Variants in ROCK1 observed in about 807,000 individuals in gnomAD.
ROCK1 encodes Rho associated coiled-coil containing protein kinase 1.
In ROCK1, 36 loss-of-function variants were observed where a neutral mutation model predicts 196.8. The observed-to-expected ratio is 0.18, with a 90% CI of 0.14 to 0.24. The LOEUF (loss-of-function observed/expected upper bound fraction) is 0.24, where lower values mean the gene tolerates loss of function less well. Among genes scored for constraint, ROCK1 ranks in the 10% least tolerant of loss-of-function variants. The pLI is 1.00. For synonymous variants in ROCK1, 443 were observed against 515.9 expected, an observed-to-expected ratio of 0.86 and a Z score of 1.91; for missense variants, 920 against 1,562.0, an observed-to-expected ratio of 0.59 and a Z score of 6.93.
chr18:20,960,626 A>G (rs553167475), intron 27 of ROCK1: 1 of 157,536 alleles, frequency 6.3e-6, no homozygotes, highest in South Asian at 1.9e-4. Flanking sequence ...TACACAAGAA[A>G]GAGCAAGCAA....
chr18:21,011,828 G>A (rs531902492), intron 13 of ROCK1, among the ~76,000 whole-genome samples: 1 of 152,158 alleles, frequency 6.6e-6, no homozygotes, highest in South Asian at 2.1e-4. Flanking sequence ...CTCATACACA[G>A]AGAATCATAT....
At chr18:21,012,492 G>A (rs2035827516) in intron 13 of ROCK1, among the ~76,000 whole-genome samples, 1 of 152,098 alleles carries the variant, frequency 6.6e-6, no homozygotes, top group South Asian at 2.1e-4. Context: ...CATGGTTTCT[G>A]ATAAGAAATC....
At chr18:21,097,664 A>G (rs2036623416) in intron 1 of ROCK1, among the ~76,000 whole-genome samples, 1 of 152,242 alleles carries the variant, frequency 6.6e-6, no homozygotes, top group Non-Finnish European at 1.5e-5. Flanking sequence ...AGTTTTTCCC[A>G]AGGACAAATC....
At chr18:21,090,195 T>C (rs1009523060) in intron 1 of ROCK1, among the ~76,000 whole-genome samples, 5 of 152,236 alleles carry the variant, frequency 3.3e-5, no homozygotes, top group African/African-American at 1.2e-4. Flanking sequence ...TTGACACATT[T>C]CATCACATCT....
chr18:21,068,527 G>C (rs1301584136), intron 2 of ROCK1, among the ~76,000 whole-genome samples: 1 of 152,156 alleles, frequency 6.6e-6, no homozygotes. Context: ...CTAAGGTTCT[G>C]AGAATATACG....
chr18:20,968,952 T>G, intron 24 of ROCK1, 92 bp from the exon 25 acceptor site: 1 of 959,944 alleles, frequency 1.0e-6, no homozygotes, highest in South Asian at 1.4e-5. Context: ...CAAATAAGTA[T>G]ACATTACATA....
At chr18:21,045,608 A>AG in intron 4 of ROCK1, 141 bp from the exon 5 acceptor site, 2 of 659,376 alleles carry the variant, frequency 3.0e-6, no homozygotes, top group South Asian at 4.6e-5. Context: ...TTTTAAAAAA[A>AG]GACAAACATA....
chr18:21,072,071 T>C (rs1467293759), intron 1 of ROCK1, among the ~76,000 whole-genome samples: 4 of 152,198 alleles, frequency 2.6e-5, no homozygotes, highest in African/African-American at 4.8e-5. Flanking sequence ...CATAAAACCT[T>C]AAAAGTAAAT....
rs1381341651 is a variant in ROCK1 at position 20,977,579 on chromosome 18, A to C, written c.2654+2331T>G. On this transcript the variant is annotated intron_variant, in intron 22 of 32. Coordinates refer to ENST00000399799, the MANE Select transcript of ROCK1 (RefSeq NM_005406.3). Reference sequence around the variant, plus strand: ...TCCTAACTTGATTCTGAAGCACCTGAAGAATCATAACTTACTAATAATTGG... The same window carrying C: ...TCCTAACTTGATTCTGAAGCACCTGCAGAATCATAACTTACTAATAATTGG... 2.0e-5 allele frequency among the ~76,000 whole-genome samples: 3 copies of C among 152,348 alleles called. No individual in the cohort carries two copies. In the East Asian group the frequency reaches 5.8e-4, roughly 29 times the overall value.
rs746641377 is a variant in ROCK1, at chr18:21,023,691, G to C, written c.1212-11C>G. The C allele has an allele frequency of 1.4e-5, 21 of 1,523,684 alleles. 1 individual carries two copies. In the South Asian group the frequency reaches 2.6e-4, roughly 19 times the overall value. 94.4% of individuals were successfully genotyped at this position (1,523,684 alleles called of 1,614,324 possible). A position where few individuals can be genotyped will look rare whatever the true frequency, so the allele number is the denominator to read the frequency against. The stretch of plus-strand genomic sequence containing the variant: ...GCTGAAGATAAGTATCTGAGGGAAA[G>C]AAAAGTTTAAAAAGAAAAGAAAACA... On this transcript the variant is annotated splice_polypyrimidine_tract_variant and intron_variant, in intron 10 of 32. Coordinates refer to ENST00000399799, the MANE Select transcript of ROCK1 (RefSeq NM_005406.3).
At chr18:21,044,868 T>C (rs1179184603) in intron 5 of ROCK1, among the ~76,000 whole-genome samples, 2 of 152,012 alleles carry the variant, frequency 1.3e-5, no homozygotes, top group African/African-American at 4.8e-5. Flanking sequence ...GTTCTTTTTT[T>C]CCCCCCTTCC....
At chr18:20,990,722 G>C (rs923077931) in intron 18 of ROCK1, among the ~76,000 whole-genome samples, 2 of 133,696 alleles carry the variant, frequency 1.5e-5, no homozygotes, top group African/African-American at 3.0e-5. Flanking sequence ...AAAAAAAAAG[G>C]AAAGTATCAA....
chr18:21,019,505 G>A (rs974640582), intron 12 of ROCK1, among the ~76,000 whole-genome samples: 1 of 152,014 alleles, frequency 6.6e-6, no homozygotes, highest in South Asian at 2.1e-4. Context: ...TAAGAATACA[G>A]ACTGTTGGCC....
chr18:21,008,320 T>C, intron 13 of ROCK1, 126 bp from the exon 14 acceptor site: 1 of 659,770 alleles, frequency 1.5e-6, no homozygotes, highest in Non-Finnish European at 2.4e-6. Flanking sequence ...ATGAATGTTC[T>C]GTTTCAAACG....
At position 21,055,260 on chromosome 18, in the gene ROCK1, A is replaced by G. The variant is rs571976827; in HGVS notation, c.176-5380T>C. On this transcript the variant is annotated intron_variant, in intron 2 of 32. Transcript: ENST00000399799. ...GACTGATCCTATTTTAAAATTCATA[A>G]TCACAAACATCAAGCTGGCCCTTAG... Among the ~76,000 whole-genome samples, 26 of 152,228 alleles carry G rather than the reference A, an allele frequency of 1.7e-4. 1 individual carries two copies. In the South Asian group the frequency reaches 3.9e-3, roughly 23 times the overall value.
intron 29 of ROCK1, among the ~76,000 whole-genome samples, chr18:20,958,878 T>A (rs1568367008): frequency 8.8e-6 from 1 of 113,684 alleles, no homozygotes; most frequent in Non-Finnish European, 1.7e-5. Flanking sequence ...ATATTATATA[T>A]ATAAATATAT....
intron 21 of ROCK1, among the ~76,000 whole-genome samples, chr18:20,982,521 G>C (rs1264146328): frequency 1.3e-5 from 2 of 152,080 alleles, no homozygotes; most frequent in African/African-American, 2.4e-5. Flanking sequence ...CAAAGTGCTG[G>C]GATGACAGGT....
At chr18:21,040,589 CAT>C (rs2036096989) in intron 8 of ROCK1, among the ~76,000 whole-genome samples, 1 of 152,140 alleles carries the variant, frequency 6.6e-6, no homozygotes, top group Admixed American at 6.5e-5. Flanking sequence ...TTGGCTTAGA[CAT>C]GTGACAATTT....
At chr18:21,045,951 C>T (rs997093713) in intron 4 of ROCK1, among the ~76,000 whole-genome samples, 4 of 137,342 alleles carry the variant, frequency 2.9e-5, no homozygotes, top group African/African-American at 1.2e-4. Context: ...CGCTCTGTCG[C>T]CCAGGCTGGA....
Sources: gnomAD v4.1 joint callset for allele counts (sites outside exome capture counted in the v4.1 genomes callset) on GRCh38, gnomAD v4.1.1 for gene constraint, MANE v1.5 for transcripts, NCBI Gene and HGNC (gene_info 2026-07-23, HGNC 2026-07-21) for gene names.